HS3ST4: variants seen among roughly 807,000 people sequenced by gnomAD.
HS3ST4 encodes the protein heparan sulfate-glucosamine 3-sulfotransferase 4, also known as heparan sulfate glucosamine 3-O-sulfotransferase 4.
Under a neutral mutation model 29.2 loss-of-function variants are expected in HS3ST4, and 17 were observed. The observed-to-expected ratio is 0.58, with a 90% confidence interval of 0.40 to 0.87. HS3ST4 has a LOEUF of 0.87. Ranked by LOEUF, HS3ST4 falls within the 40% of genes least tolerant of loss-of-function variation. The probability of loss-of-function intolerance (pLI) is 0.00; values close to 1 mark genes in which losing one functional copy is unlikely to be tolerated. For missense variants in HS3ST4, 627 were observed against 634.5 expected, an observed-to-expected ratio of 0.99 and a Z score of 0.13; for synonymous variants, 314 against 285.7, an observed-to-expected ratio of 1.10 and a Z score of -1.00.
chr16:26,053,154 C>G (rs138878883), intron 1 of HS3ST4, among the ~76,000 whole-genome samples: 6 of 152,306 alleles, frequency 3.9e-5, no homozygotes, highest in African/African-American at 1.4e-4. Flanking sequence ...TTCAGCTCTT[C>G]CATCTGCATG....
chr16:25,987,247 A>T (rs952856407), intron 1 of HS3ST4, among the ~76,000 whole-genome samples: 2 of 152,084 alleles, frequency 1.3e-5, no homozygotes, highest in Non-Finnish European at 2.9e-5. Context: ...CTACTTGGGA[A>T]GCTGAGGCAG....
At chr16:25,979,048 C>A (rs1473344864) in intron 1 of HS3ST4, among the ~76,000 whole-genome samples, 1 of 150,166 alleles carries the variant, frequency 6.7e-6, no homozygotes, top group Non-Finnish European at 1.5e-5. Context: ...CAGGCATGCA[C>A]CATCATGCCC....
intron 1 of HS3ST4, among the ~76,000 whole-genome samples, chr16:25,977,047 T>G (rs910832878): frequency 3.3e-5 from 5 of 152,204 alleles, no homozygotes; most frequent in Non-Finnish European, 5.9e-5. Context: ...CCTCACCCAA[T>G]GTCTTTCTTG....
At chr16:26,093,942 A>G (rs994190336) in intron 1 of HS3ST4, among the ~76,000 whole-genome samples, 2 of 152,214 alleles carry the variant, frequency 1.3e-5, no homozygotes, top group African/African-American at 4.8e-5. Context: ...GCTGAAAACC[A>G]TGGCGCAAGA....
chr16:25,925,280 A>G (rs116022428), intron 1 of HS3ST4, among the ~76,000 whole-genome samples: 2 of 151,704 alleles, frequency 1.3e-5, no homozygotes, highest in Admixed American at 6.6e-5. Flanking sequence ...ATCATCAGCC[A>G]GCAACATTAG....
intron 1 of HS3ST4, among the ~76,000 whole-genome samples, chr16:26,127,077 C>G (rs1487934145): frequency 6.6e-6 from 1 of 151,966 alleles, no homozygotes; most frequent in East Asian, 1.9e-4. Flanking sequence ...AGATGAGTCT[C>G]TGGAAGCAAA....
chr16:26,023,113 T>C (rs769726888), intron 1 of HS3ST4, among the ~76,000 whole-genome samples: 1 of 152,220 alleles, frequency 6.6e-6, no homozygotes, highest in Non-Finnish European at 1.5e-5. Context: ...TTTCTTTTTT[T>C]TCCTTACCTC....
At chr16:26,112,302 A>G (rs1899142716) in intron 1 of HS3ST4, among the ~76,000 whole-genome samples, 1 of 150,592 alleles carries the variant, frequency 6.6e-6, no homozygotes, top group Non-Finnish European at 1.5e-5. Context: ...AATATCTAAG[A>G]TTAACTTGGG....
intron 1 of HS3ST4, among the ~76,000 whole-genome samples, chr16:25,881,002 C>G (rs1026086024): frequency 2.0e-5 from 3 of 152,072 alleles, no homozygotes; most frequent in African/African-American, 7.2e-5. Flanking sequence ...GTATGGATGG[C>G]TCACCCATCA....
intron 1 of HS3ST4, among the ~76,000 whole-genome samples, chr16:25,880,066 G>T (rs9929100): frequency 6.6e-6 from 1 of 151,936 alleles, no homozygotes; most frequent in African/African-American, 2.4e-5. Flanking sequence ...GGATGGGGAC[G>T]CAGCCAAACC....
chr16:26,087,511 G>A (rs923976981), intron 1 of HS3ST4, among the ~76,000 whole-genome samples: 20 of 151,752 alleles, frequency 1.3e-4, no homozygotes, highest in Admixed American at 2.0e-4. Context: ...CTCCCTCAGC[G>A]TCCAAGCCAT....
At chr16:26,025,372 G>T (rs114241236) in intron 1 of HS3ST4, 1 of 154,246 alleles carries the variant, frequency 6.5e-6, no homozygotes, top group African/African-American at 2.4e-5. Flanking sequence ...TCATTCGTAC[G>T]CTGGGTCTCA....
chr16:25,716,983 G>A (rs777185852), intron 1 of HS3ST4, among the ~76,000 whole-genome samples: 12 of 152,066 alleles, frequency 7.9e-5, no homozygotes, highest in Non-Finnish European at 1.2e-4. Context: ...GAACCTGGGA[G>A]GTGGAGGTCA....
chr16:25,856,165 T>C (rs1347603729), intron 1 of HS3ST4, among the ~76,000 whole-genome samples: 3 of 152,086 alleles, frequency 2.0e-5, no homozygotes, highest in African/African-American at 7.2e-5. Flanking sequence ...TGCCCTGTGG[T>C]ATAATAAAAA....
intron 1 of HS3ST4, among the ~76,000 whole-genome samples, chr16:25,717,484 T>G: frequency 6.7e-6 from 1 of 150,280 alleles, no homozygotes; most frequent in African/African-American, 2.5e-5. Flanking sequence ...TGAGATGAGA[T>G]CTGAAGGATG....
chr16:25,886,241 C>T (rs972990392), intron 1 of HS3ST4, among the ~76,000 whole-genome samples: 2 of 151,894 alleles, frequency 1.3e-5, no homozygotes, highest in Non-Finnish European at 2.9e-5. Context: ...CCATGTTGGC[C>T]GGGCTGGTCT....
rs896590543 is a variant in HS3ST4 at position 25,781,564 on chromosome 16, T to G, written c.734+88413T>G. Among the ~76,000 whole-genome samples the G allele has an allele frequency of 2.0e-5, 3 of 152,152 alleles. No homozygotes were observed. In the South Asian group the frequency reaches 6.2e-4, roughly 32 times the overall value. On this transcript the variant is annotated intron_variant, in intron 1 of 1. Transcript: ENST00000331351. ...TGGACACATGAGCTTCTGCACAAAC[T>G]AATTTAATCCTCACCCCTCCTTATG...
At chr16:26,073,981 T>G (rs1173118188) in intron 1 of HS3ST4, among the ~76,000 whole-genome samples, 1 of 152,222 alleles carries the variant, frequency 6.6e-6, no homozygotes, top group Non-Finnish European at 1.5e-5. Context: ...TTATAGCAAT[T>G]GGTAGAGAAG....
chr16:25,928,178 A>G (rs1275841578), intron 1 of HS3ST4, among the ~76,000 whole-genome samples: 21 of 151,416 alleles, frequency 1.4e-4, no homozygotes, highest in Admixed American at 2.0e-4. Context: ...CCTGGGCAAT[A>G]TAGCAAGACT....
Sources: gnomAD v4.1 joint callset for allele counts (sites outside exome capture counted in the v4.1 genomes callset) on GRCh38, gnomAD v4.1.1 for gene constraint, MANE v1.5 for transcripts, NCBI Gene and HGNC (gene_info 2026-07-23, HGNC 2026-07-21) for gene names.